The following NDE1 variants were observed in gnomAD, a reference collection of about 807,000 sequenced individuals.
NDE1 encodes nuclear distribution protein nudE homolog 1.
A neutral mutation model predicts 43.4 loss-of-function variants in NDE1; 28 were observed. The ratio of observed to expected loss-of-function variants is 0.65; its 90% CI spans 0.48 to 0.89. NDE1 has a LOEUF of 0.89. NDE1 is among the 40% of genes least tolerant of loss of function. The pLI, the probability that NDE1 is intolerant of heterozygous loss-of-function variation, is 0.00. For synonymous variants in NDE1, 184 were observed against 172.0 expected, an observed-to-expected ratio of 1.07 and a Z score of -0.55; for missense variants, 441 against 434.1, an observed-to-expected ratio of 1.02 and a Z score of -0.14.
intron 5 of NDE1, 37 bp downstream of exon 5, chr16:15,687,548 C>A (rs200527422): frequency 1.3e-6 from 2 of 1,557,590 alleles, no homozygotes; most frequent in Non-Finnish European, 1.8e-6. Flanking sequence ...GCATGGTCCC[C>A]TCTCCCTACC....
chr16:15,712,300 A>G (rs771556848), intron 8 of NDE1, among the ~76,000 whole-genome samples: 3 of 152,122 alleles, frequency 2.0e-5, no homozygotes, highest in Non-Finnish European at 2.9e-5. Context: ...TTAGATATAC[A>G]TGGAATTCTA....
At chr16:15,683,717 C>A (rs1359609227) in intron 4 of NDE1, among the ~76,000 whole-genome samples, 1 of 152,124 alleles carries the variant, frequency 6.6e-6, no homozygotes, top group Non-Finnish European at 1.5e-5. Flanking sequence ...GCATGCTGAC[C>A]TTTATTTCAA....
chr16:15,695,008 A>G (rs1174784176), intron 7 of NDE1: 2 of 732,670 alleles, frequency 2.7e-6, no homozygotes, highest in East Asian at 2.6e-4. Context: ...CCCTGCCCCG[A>G]CTTGGCCTCT....
intron 8 of NDE1, among the ~76,000 whole-genome samples, chr16:15,702,570 C>CAA (rs1188841731): frequency 2.0e-5 from 3 of 150,870 alleles, no homozygotes; most frequent in Admixed American, 6.6e-5. Flanking sequence ...ACAACAACAA[C>CAA]AAAAAAACAC....
At chr16:15,673,034 C>G (rs2037679462) in intron 3 of NDE1, among the ~76,000 whole-genome samples, 1 of 152,230 alleles carries the variant, frequency 6.6e-6, no homozygotes, top group African/African-American at 2.4e-5. Flanking sequence ...CCACGCCTCT[C>G]TGGCCTAGGC....
intron 8 of NDE1, 181 bp from the exon 9 acceptor site, chr16:15,724,010 C>G (rs973945379): frequency 2.2e-5 from 29 of 1,341,748 alleles, no homozygotes; most frequent in Non-Finnish European, 2.8e-5. Context: ...GCTCCATGGT[C>G]GCCCAAGACA....
intron 8 of NDE1, among the ~76,000 whole-genome samples, chr16:15,697,709 T>G (rs551190499): frequency 6.6e-6 from 1 of 152,152 alleles, no homozygotes; most frequent in Non-Finnish European, 1.5e-5. Flanking sequence ...CAAGACTCCA[T>G]ATCAAAAAGT....
chr16:15,666,574 A>G (rs1018511865), intron 2 of NDE1, among the ~76,000 whole-genome samples: 2 of 152,166 alleles, frequency 1.3e-5, no homozygotes, highest in African/African-American at 4.8e-5. Context: ...ACACCTCTGC[A>G]TTCCAGTCTG....
chr16:15,672,897 T>C (rs890424446), intron 3 of NDE1: 1 of 152,268 alleles, frequency 6.6e-6, no homozygotes, highest in Non-Finnish European at 1.5e-5. Context: ...ACTTCTCTGC[T>C]TACAGCCAGG....
At chr16:15,720,788 A>G in intron 8 of NDE1, 2 of 1,580,572 alleles carry the variant, frequency 1.3e-6, no homozygotes, top group South Asian at 1.1e-5. Context: ...GGTGATAGGA[A>G]TGAAAAAGGC....
chr16:15,721,542 CAGGGCCTTGGTTTCCTTCTCCCTG>C (rs2040484877), intron 8 of NDE1: 1 of 1,614,100 alleles, frequency 6.2e-7, no homozygotes, highest in African/African-American at 1.3e-5. Context: ...GAGCCAGGGA[CAGGGCCTTGGTTTCCTTCTCCCTG>C]GCTTCTGCCT....
intron 8 of NDE1, chr16:15,718,236 C>A: frequency 1.3e-6 from 2 of 1,598,706 alleles, no homozygotes; most frequent in Middle Eastern, 1.8e-4. Flanking sequence ...GAAGCCGCCA[C>A]GCGTGTGTTG....
chr16:15,650,060 G>A (rs1240594230), upstream of NDE1, among the ~76,000 whole-genome samples: 4 of 152,218 alleles, frequency 2.6e-5, no homozygotes, highest in South Asian at 2.1e-4. Context: ...AACCCCCTCC[G>A]GCCAGGAGCC....
intron 4 of NDE1, 37 bp downstream of exon 4, chr16:15,677,986 T>G (rs777326107): frequency 6.2e-7 from 1 of 1,612,550 alleles, no homozygotes; most frequent in Non-Finnish European, 8.5e-7. Flanking sequence ...TGGGAGACTC[T>G]CCTCTCTGCT....
Position 15,664,847 on chromosome 16 carries a change from G to A in NDE1, c.69G>A (p.Met23Ile). The change falls in exon 2 of 9, where the codon ATG becomes ATA. Residue 23 changes from methionine (M) to isoleucine (I), a missense_variant. By Grantham distance (10) the Met-to-Ile change is conservative (BLOSUM62 1). Coordinates refer to ENST00000396354, the MANE Select transcript of NDE1 (RefSeq NM_017668.3). ...EEANYWKDLAMTYKQRAENTQ... is the reference protein window; with the variant it reads ...EEANYWKDLAITYKQRAENTQ... ...CTAACTATTGGAAAGATCTGGCGAT[G>A]ACCTACAAACAGAGGTCAGTCCGAG... is the stretch of plus-strand genomic sequence containing the variant. 1 of 1,611,586 alleles carries A rather than the reference G, an allele frequency of 6.2e-7. No individual in the cohort carries two copies. The highest frequency in any genetic ancestry group is 8.5e-7 in the Non-Finnish European group (1 of 1,178,362).
intron 1 of NDE1, chr16:15,651,898 T>C (rs992632974): frequency 6.6e-6 from 1 of 152,056 alleles, no homozygotes; most frequent in African/African-American, 2.4e-5. Context: ...CCAAAGTGTG[T>C]TATTTATTAT....
At chr16:15,646,916 G>A (rs2036342217), upstream of NDE1, among the ~76,000 whole-genome samples, 2 of 150,684 alleles carry the variant, frequency 1.3e-5, no homozygotes, top group Non-Finnish European at 3.0e-5. Context: ...TGGGCATGGT[G>A]GTGAACACCT....
At position 15,686,368 on chromosome 16, in the gene NDE1, A is replaced by G. The variant is rs766772927; in HGVS notation, c.387-1007A>G. ...CAGAGAAGGTGGTTTTCCCAGAATT[A>G]TAACAGATTGTTTTCTTACAGCACT... On this transcript the variant is annotated intron_variant, in intron 4 of 8. Coordinates refer to ENST00000396354, the MANE Select transcript of NDE1 (RefSeq NM_017668.3). 65 of 985,310 alleles carry G rather than the reference A, an allele frequency of 6.6e-5. No individual in the cohort carries two copies. The South Asian group carries it at 1.6e-3, about 25-fold the overall frequency. 61.0% of individuals were successfully genotyped at this position (985,310 alleles called of 1,614,324 possible). A position where few individuals can be genotyped will look rare whatever the true frequency, so the allele number is the denominator to read the frequency against.
intron 4 of NDE1, among the ~76,000 whole-genome samples, chr16:15,684,856 C>A (rs1011412251): frequency 6.6e-6 from 1 of 152,166 alleles, no homozygotes; most frequent in Non-Finnish European, 1.5e-5. Context: ...TTTGTTCTTA[C>A]AACCAGTAGC....
Sources: gnomAD v4.1 joint callset for allele counts (sites outside exome capture counted in the v4.1 genomes callset) on GRCh38, gnomAD v4.1.1 for gene constraint, MANE v1.5 for transcripts, NCBI Gene and HGNC (gene_info 2026-07-23, HGNC 2026-07-21) for gene names.